The following SHANK2 variants were observed in gnomAD, a reference collection of about 807,000 sequenced individuals.
SHANK2 encodes the protein SH3 and multiple ankyrin repeat domains protein 2.
Under a neutral mutation model 133.7 loss-of-function variants are expected in SHANK2, and 43 were observed. The ratio of observed to expected loss-of-function variants is 0.32; its 90% CI spans 0.25 to 0.41. The LOEUF (loss-of-function observed/expected upper bound fraction) is 0.41. Ranked by LOEUF, SHANK2 falls within the 10% of genes least tolerant of loss-of-function variation. The pLI, the probability that SHANK2 is intolerant of heterozygous loss-of-function variation, is 1.00. For missense variants in SHANK2, 1,994 were observed against 2,235.8 expected (o/e 0.89, Z 2.18); for synonymous variants, 1,017 against 952.8 (o/e 1.07, Z -1.24).
At chr11:70,686,199 CATCT>C (rs1565241037) in intron 15 of SHANK2, among the ~76,000 whole-genome samples, 5 of 132,236 alleles carry the variant, frequency 3.8e-5, no homozygotes, top group Admixed American at 1.5e-4. Flanking sequence ...TCCACCCATC[CATCT>C]ATCCATCCAT....
chr11:71,199,486 C>A (rs148164449), intron 2 of SHANK2, among the ~76,000 whole-genome samples: 1 of 152,226 alleles, frequency 6.6e-6, no homozygotes, highest in Non-Finnish European at 1.5e-5. Flanking sequence ...TGCAGTCACG[C>A]CCCAGGAAGA....
chr11:70,547,118 TCTCA>T (rs1159230249), intron 17 of SHANK2, among the ~76,000 whole-genome samples: 2 of 151,882 alleles, frequency 1.3e-5, no homozygotes, highest in African/African-American at 2.4e-5. Flanking sequence ...TTTTCCACCC[TCTCA>T]CTCCCACCCA....
intron 2 of SHANK2, among the ~76,000 whole-genome samples, chr11:71,173,698 C>G (rs1953364597): frequency 6.6e-6 from 1 of 152,230 alleles, no homozygotes; most frequent in African/African-American, 2.4e-5. Context: ...ATGAGATCTT[C>G]TTTGAGAATA....
At chr11:70,712,643 C>T (rs782430227) in intron 14 of SHANK2, among the ~76,000 whole-genome samples, 11 of 152,336 alleles carry the variant, frequency 7.2e-5, no homozygotes, top group South Asian at 4.1e-4. Context: ...AGCCCTAGGG[C>T]GGGGCCCAGT....
intron 14 of SHANK2, among the ~76,000 whole-genome samples, chr11:70,751,665 T>C (rs1946751074): frequency 6.6e-6 from 1 of 152,208 alleles, no homozygotes; most frequent in African/African-American, 2.4e-5. Context: ...GTAAAAATTA[T>C]TATATTTTAT....
intron 14 of SHANK2, among the ~76,000 whole-genome samples, chr11:70,776,912 T>C: frequency 7.3e-6 from 1 of 136,228 alleles, no homozygotes; most frequent in African/African-American, 2.7e-5. Flanking sequence ...CATCCTCCCA[T>C]CTACCCACCT....
At chr11:70,776,073 TC>T (rs1947359477) in intron 14 of SHANK2, among the ~76,000 whole-genome samples, 1 of 152,234 alleles carries the variant, frequency 6.6e-6, no homozygotes. Context: ...AGACTTGGTG[TC>T]CCAGTGCCAA....
chr11:71,075,273 G>T lies in SHANK2; in HGVS notation c.915C>A (p.Ala305=). 1 of 212,288 alleles carries T rather than the reference G, an allele frequency of 4.7e-6. No individual in the cohort carries two copies. 13.2% of individuals were successfully genotyped at this position (212,288 alleles called of 1,614,324 possible). ...GGTGCTGCACGTGCCCGTACCTGCA[G>T]GCCTGAAACACAGAACCCAGGCTGT... ...DENGWHEIHQ[A]CRYGHVQHLE... Residue 305 remains alanine, a splice_region_variant and synonymous_variant, in exon 9 of 26, where the codon GCC becomes GCA. Transcript: ENST00000601538.
At chr11:70,938,118 TC>T (rs1313498905) in intron 10 of SHANK2, among the ~76,000 whole-genome samples, 1 of 152,142 alleles carries the variant, frequency 6.6e-6, no homozygotes, top group Non-Finnish European at 1.5e-5. Flanking sequence ...AATCCCAGTT[TC>T]CCCAAGGACA....
rs1421773513 is a variant in SHANK2 at position 70,882,415 on chromosome 11, C to A, written c.1174+14086G>T. ...TACAAGCAAGGGATTTAATACATATCTCAGAGTGATGGGGAAATTGATTTT... is the reference window on the plus strand; with the variant it reads ...TACAAGCAAGGGATTTAATACATATATCAGAGTGATGGGGAAATTGATTTT... On this transcript the variant is annotated intron_variant, in intron 11 of 25. Transcript: ENST00000601538. The surrounding 1 kb of genome is among the most constrained non-coding windows in gnomAD (Gnocchi z 4.2). 1.3e-5 allele frequency among the ~76,000 whole-genome samples: 2 copies of A among 152,194 alleles called. No homozygotes were observed. Among genetic ancestry groups the A allele is most frequent in the Non-Finnish European group, 2.9e-5 (2 of 68,038 alleles).
chr11:71,080,132 G>A (rs1196979891), intron 8 of SHANK2, among the ~76,000 whole-genome samples: 4 of 152,112 alleles, frequency 2.6e-5, no homozygotes, highest in African/African-American at 9.7e-5. Context: ...ATAGGAGGGT[G>A]GAGAGTAATG....
chr11:71,131,753 T>C (rs73523005), intron 3 of SHANK2, among the ~76,000 whole-genome samples: 3,955 of 152,212 alleles, frequency 0.026, 165 homozygotes, highest in African/African-American at 0.09. Context: ...AAGTCAGCCA[T>C]GGAAGGGGGG....
intron 21 of SHANK2, among the ~76,000 whole-genome samples, chr11:70,493,996 G>C (rs1240687319): frequency 6.6e-6 from 1 of 152,192 alleles, no homozygotes; most frequent in Non-Finnish European, 1.5e-5. Flanking sequence ...GCTGACCCAC[G>C]GGCAAAGCTC....
intron 2 of SHANK2, among the ~76,000 whole-genome samples, chr11:71,149,899 A>G (rs1214225438): frequency 1.6e-4 from 10 of 60,818 alleles, no homozygotes; most frequent in African/African-American, 7.1e-4. Context: ...AGGAAGGAAA[A>G]AAGGGAGGAA....
rs1215745086 is a variant in SHANK2, at chr11:70,804,811, C to G, written c.1663+2191G>C. Among the ~76,000 whole-genome samples the G allele has an allele frequency of 6.6e-6, 1 of 152,216 alleles. No homozygotes were observed. The highest frequency in any genetic ancestry group is 1.9e-4 in the East Asian group (1 of 5,194). On this transcript the variant is annotated intron_variant, in intron 13 of 25. Transcript: ENST00000601538. This position sits in a 1 kb window ranked among gnomAD's most constrained non-coding sequence, Gnocchi z 4.1. Reference sequence around the variant, plus strand: ...TGCGAGTCCTGGGTCCTCAAGTCTGCCTACCACTGCCAGCCTGTGGGAGAC... The same window carrying G: ...TGCGAGTCCTGGGTCCTCAAGTCTGGCTACCACTGCCAGCCTGTGGGAGAC...
At chr11:71,251,863 G>C (rs890563346) in intron 1 of SHANK2, among the ~76,000 whole-genome samples, 3 of 151,726 alleles carry the variant, frequency 2.0e-5, no homozygotes, top group Non-Finnish European at 4.4e-5. Context: ...TCTGCGTGCA[G>C]GGCCAGGGTG....
At chr11:70,767,095 A>G (rs1947138654) in intron 14 of SHANK2, among the ~76,000 whole-genome samples, 1 of 152,092 alleles carries the variant, frequency 6.6e-6, no homozygotes, top group Non-Finnish European at 1.5e-5. Flanking sequence ...CAGATGAGAG[A>G]AGTGAAAATG....
chr11:70,873,086 G>T (rs1035676284), intron 11 of SHANK2: 1 of 471,242 alleles, frequency 2.1e-6, no homozygotes, highest in South Asian at 1.5e-5. Flanking sequence ...CCTCAGGAAG[G>T]TGAAACCTGC....
chr11:71,073,136 C>CTTTTCTTTTTTTTTTTTTTTTTTTTT (rs1951164763), intron 9 of SHANK2, among the ~76,000 whole-genome samples: 1 of 72,336 alleles, frequency 1.4e-5, no homozygotes, highest in Non-Finnish European at 3.5e-5. Flanking sequence ...TGTTTTTTTT[C>CTTTTCTTTTTTTTTTTTTTTTTTTTT]TTTTTCTTTT....
Sources: allele counts gnomAD v4.1 joint callset (sites outside exome capture counted in the v4.1 genomes callset), GRCh38; gene constraint gnomAD v4.1.1; non-coding constraint Gnocchi (gnomAD v3.1); transcripts MANE v1.5; gene names NCBI Gene and HGNC (gene_info 2026-07-23, HGNC 2026-07-21).